The following GRID1 variants were observed in gnomAD, a reference collection of about 807,000 sequenced individuals.
GRID1 encodes the protein glutamate ionotropic receptor delta type subunit 1.
In GRID1, 28 loss-of-function variants were observed where a neutral mutation model predicts 98.0. The ratio of observed to expected loss-of-function variants is 0.29; its 90% CI spans 0.21 to 0.39. The LOEUF is 0.39. Among genes scored for constraint, GRID1 ranks in the 10% least tolerant of loss-of-function variants. The pLI, the probability that GRID1 is intolerant of heterozygous loss-of-function variation, is 1.00. For synonymous variants in GRID1, 553 were observed against 538.5 expected (o/e 1.03, Z -0.37); for missense variants, 1,111 against 1,340.5 (o/e 0.83, Z 2.67).
intron 5 of GRID1, among the ~76,000 whole-genome samples, chr10:85,876,322 C>T (rs1843331125): frequency 6.6e-6 from 1 of 152,082 alleles, no homozygotes; most frequent in Non-Finnish European, 1.5e-5. Flanking sequence ...TGGCCGTCAG[C>T]ATTCCCTGGC....
At chr10:85,743,370 C>T (rs981893012) in intron 8 of GRID1, among the ~76,000 whole-genome samples, 1 of 152,024 alleles carries the variant, frequency 6.6e-6, no homozygotes. Context: ...AAAGACAAGC[C>T]CTGACCAAAT....
chr10:85,941,549 C>T (rs1312268297), intron 4 of GRID1, among the ~76,000 whole-genome samples: 1 of 152,130 alleles, frequency 6.6e-6, no homozygotes, highest in Non-Finnish European at 1.5e-5. Context: ...AAATTGCCTA[C>T]AATGAACATG....
chr10:86,134,966 A>G (rs12247635), intron 4 of GRID1, among the ~76,000 whole-genome samples: 1 of 152,060 alleles, frequency 6.6e-6, no homozygotes, highest in African/African-American at 2.4e-5. Context: ...AACAGCCTAC[A>G]TGCCCACATA....
chr10:85,685,562 T>C (rs1327901941), intron 12 of GRID1, among the ~76,000 whole-genome samples: 1 of 152,148 alleles, frequency 6.6e-6, no homozygotes, highest in East Asian at 1.9e-4. Context: ...TCCAAAAACA[T>C]ATATGGAAAT....
At chr10:86,322,049 G>A (rs1453584355) in intron 2 of GRID1, among the ~76,000 whole-genome samples, 2 of 152,010 alleles carry the variant, frequency 1.3e-5, no homozygotes, top group Admixed American at 6.6e-5. Context: ...AGAAAACAGA[G>A]AGAGGGGAGA....
At chr10:85,933,772 C>G (rs1841890069) in intron 4 of GRID1, among the ~76,000 whole-genome samples, 1 of 152,186 alleles carries the variant, frequency 6.6e-6, no homozygotes, top group African/African-American at 2.4e-5. Flanking sequence ...GAACATACAT[C>G]AAGCAATCCA....
In GRID1 at chr10:86,112,373, G is replaced by A. The variant is rs186079081; in HGVS notation, c.726+26446C>T. Among the ~76,000 whole-genome samples the A allele has an allele frequency of 2.8e-3, 431 of 152,306 alleles. 1 individual carries two copies. Among genetic ancestry groups the A allele is most frequent in the Middle Eastern group, 0.01 (3 of 294 alleles). On this transcript the variant is annotated intron_variant, in intron 4 of 15. Transcript: ENST00000327946. ...GTGAACATCTGTTTTTCTCAAAGCT[G>A]TGAATGTCACGTCAAGAATCTCCAA...
intron 3 of GRID1, among the ~76,000 whole-genome samples, chr10:86,180,916 G>A (rs1245508503): frequency 6.6e-6 from 1 of 152,218 alleles, no homozygotes; most frequent in Non-Finnish European, 1.5e-5. Context: ...CAAGCTCTGG[G>A]CTCAGGGAAG....
At chr10:86,078,665 C>T (rs1843920456) in intron 4 of GRID1, among the ~76,000 whole-genome samples, 1 of 152,262 alleles carries the variant, frequency 6.6e-6, no homozygotes, top group African/African-American at 2.4e-5. Context: ...CCGGACCCTT[C>T]CACTGTTCAA....
chr10:86,324,790 G>A (rs4934182), intron 2 of GRID1, among the ~76,000 whole-genome samples: 79,445 of 151,710 alleles, frequency 0.52, 24,050 homozygotes, highest in Non-Finnish European at 0.67. Context: ...AAAAAAATGA[G>A]ATTTTTTTCA....
At chr10:85,616,238 G>T (rs778128820) in intron 14 of GRID1, among the ~76,000 whole-genome samples, 9 of 152,226 alleles carry the variant, frequency 5.9e-5, no homozygotes, top group Non-Finnish European at 1.5e-5. Flanking sequence ...ATAACAGCCT[G>T]CAAAGTGGTT....
intron 4 of GRID1, among the ~76,000 whole-genome samples, chr10:86,040,783 G>A (rs777763150): frequency 2.0e-5 from 3 of 152,198 alleles, no homozygotes; most frequent in Non-Finnish European, 4.4e-5. Context: ...AATGTTTAAG[G>A]TGATGGATAT....
intron 2 of GRID1, among the ~76,000 whole-genome samples, chr10:86,286,468 G>T (rs532126059): frequency 6.6e-6 from 1 of 152,138 alleles, no homozygotes; most frequent in Admixed American, 6.5e-5. Context: ...AGGTTTGGGG[G>T]AACCACCATG....
intron 9 of GRID1, 43 bp downstream of exon 9, chr10:85,729,470 C>T (rs770907679): frequency 7.7e-5 from 88 of 1,137,992 alleles, no homozygotes; most frequent in Admixed American, 1.4e-4. Context: ...ATTCAACAGC[C>T]TGGATGGTGT....
chr10:86,279,389 A>AGAT (rs1354311127), intron 2 of GRID1, among the ~76,000 whole-genome samples: 2 of 152,260 alleles, frequency 1.3e-5, no homozygotes, highest in Non-Finnish European at 2.9e-5. Flanking sequence ...CAAAAACTTT[A>AGAT]GCAAATCAAA....
chr10:86,056,016 GACA>G (rs757560379), intron 4 of GRID1, among the ~76,000 whole-genome samples: 32 of 152,342 alleles, frequency 2.1e-4, no homozygotes, highest in South Asian at 4.1e-4. Context: ...ACACTAAGCA[GACA>G]ACGTCTCACA....
At chr10:86,063,480 C>A (rs1285862850) in intron 4 of GRID1, among the ~76,000 whole-genome samples, 8 of 152,082 alleles carry the variant, frequency 5.3e-5, no homozygotes. Flanking sequence ...CAAAACTGGG[C>A]AAGTGTGCAA....
chr10:86,239,782 A>G (rs1238190059), intron 2 of GRID1, among the ~76,000 whole-genome samples: 2 of 152,196 alleles, frequency 1.3e-5, no homozygotes, highest in African/African-American at 2.4e-5. Context: ...CCTCCTAACC[A>G]TGCCTCATAT....
At chr10:85,718,767 C>T (rs1841668071) in intron 12 of GRID1, among the ~76,000 whole-genome samples, 1 of 152,188 alleles carries the variant, frequency 6.6e-6, no homozygotes, top group South Asian at 2.1e-4. Context: ...GAGGGGCTGC[C>T]ATGAAGGTCT....
Sources: gnomAD v4.1 joint callset for allele counts (sites outside exome capture counted in the v4.1 genomes callset) on GRCh38, gnomAD v4.1.1 for gene constraint, MANE v1.5 for transcripts, NCBI Gene and HGNC (gene_info 2026-07-23, HGNC 2026-07-21) for gene names.